BAZ2B: variants seen among roughly 807,000 people sequenced by gnomAD.
BAZ2B encodes bromodomain adjacent to zinc finger domain 2B.
In BAZ2B, 91 loss-of-function variants were observed where a neutral mutation model predicts 246.0. That is an observed-to-expected ratio of 0.37 (90% CI 0.31 to 0.44). The LOEUF (loss-of-function observed/expected upper bound fraction) is 0.44. Among genes scored for constraint, BAZ2B ranks in the 20% least tolerant of loss-of-function variants. BAZ2B has a pLI of 1.00. For missense variants in BAZ2B, 2,332 were observed against 2,533.7 expected (o/e 0.92, Z 1.71); for synonymous variants, 855 against 860.0 (o/e 0.99, Z 0.10).
chr2:159,599,187 G>A (rs916237757), intron 1 of BAZ2B, among the ~76,000 whole-genome samples: 6 of 152,184 alleles, frequency 3.9e-5, no homozygotes, highest in African/African-American at 1.4e-4. Context: ...TACTTAAACA[G>A]GTACAAGTTA....
At chr2:159,666,410 C>T in the BAZ2B span, among the ~76,000 whole-genome samples, 2 of 152,096 alleles carry the variant, frequency 1.3e-5, no homozygotes, top group African/African-American at 2.4e-5. Flanking sequence ...CAGGCGCACA[C>T]CACCATGCCT....
chr2:159,333,331 A>G (rs1227118957), intron 33 of BAZ2B, among the ~76,000 whole-genome samples: 1 of 152,198 alleles, frequency 6.6e-6, no homozygotes, highest in African/African-American at 2.4e-5. Context: ...GATACAATAC[A>G]TGTAAGAAGT....
chr2:159,524,927 G>A (rs942892332), intron 2 of BAZ2B, among the ~76,000 whole-genome samples: 5 of 151,856 alleles, frequency 3.3e-5, no homozygotes, highest in Non-Finnish European at 7.4e-5. Flanking sequence ...ATAAATACAT[G>A]GTAGTCCCAG....
intron 1 of BAZ2B, among the ~76,000 whole-genome samples, chr2:159,599,733 G>T (rs965322141): frequency 6.6e-6 from 1 of 151,908 alleles, no homozygotes; most frequent in Non-Finnish European, 1.5e-5. Context: ...TTAGGAGATC[G>T]AGGCCATCCT....
At position 159,592,144 on chromosome 2, in the gene BAZ2B, G is replaced by GA. The variant is rs531815661; in HGVS notation, c.-46+24097dup. On this transcript the variant is annotated intron_variant, in intron 1 of 36. Transcript: ENST00000392783. ...AAACAAACAAAAAAACAAAGAAAAAGAAAAAAAAAAGAAATAAACCCATCT... is the reference window on the plus strand; with the variant it reads ...AAACAAACAAAAAAACAAAGAAAAAGAAAAAAAAAAAGAAATAAACCCATCT... 2.7e-4 allele frequency among the ~76,000 whole-genome samples: 39 copies of GA among 144,348 alleles called. No individual in the cohort carries two copies. The South Asian group carries it at 5.3e-3, about 19-fold the overall frequency. The allele number at this position is 144,348 out of a possible 152,430, so 94.7% of individuals were successfully genotyped here.
chr2:159,537,984 T>C (rs896729647), intron 2 of BAZ2B, among the ~76,000 whole-genome samples: 2 of 152,126 alleles, frequency 1.3e-5, no homozygotes, highest in African/African-American at 4.8e-5. Context: ...AAATACTATG[T>C]GCAATTAACT....
At chr2:159,541,329 A>G (rs1054756539) in intron 2 of BAZ2B, among the ~76,000 whole-genome samples, 6 of 151,664 alleles carry the variant, frequency 4.0e-5, no homozygotes, top group African/African-American at 1.5e-4. Flanking sequence ...CCCAGGCTGG[A>G]GTGTAGTGGC....
chr2:159,422,960 T>A (rs1383178538), intron 13 of BAZ2B, among the ~76,000 whole-genome samples: 4 of 152,088 alleles, frequency 2.6e-5, no homozygotes, highest in Non-Finnish European at 4.4e-5. Flanking sequence ...ACACCCTTAA[T>A]CATTAAAGAA....
chr2:159,389,093 ACAAC>A (rs113993624), intron 21 of BAZ2B, among the ~76,000 whole-genome samples: 7,352 of 148,958 alleles, frequency 0.049, 496 homozygotes, highest in African/African-American at 0.15. Context: ...CTGTCTGAAA[ACAAC>A]CAACCAACCA....
At chr2:159,560,021 CTATGAG>C (rs1303111862) in intron 1 of BAZ2B, among the ~76,000 whole-genome samples, 2 of 152,152 alleles carry the variant, frequency 1.3e-5, no homozygotes, top group African/African-American at 4.8e-5. Context: ...ATATGCAATC[CTATGAG>C]TATTTTTTCA....
rs754078669 is a variant in BAZ2B, at chr2:159,433,113, A to G, written c.1544T>C (p.Met515Thr). Residue 515 changes from methionine (M) to threonine (T), a missense_variant, in exon 9 of 37, where the codon ATG becomes ACG. Coordinates refer to ENST00000392783, the MANE Select transcript of BAZ2B (RefSeq NM_013450.4). ...APLALTTKTKMQSKINENIAA... is the reference protein window; with the variant it reads ...APLALTTKTKTQSKINENIAA... ...AATGTTTTCATTAATCTTGCTCTGCATTTTAGTTTTGGTAGTAAGTGCTAG... is the reference window on the plus strand; with the variant it reads ...AATGTTTTCATTAATCTTGCTCTGCGTTTTAGTTTTGGTAGTAAGTGCTAG... 1.2e-6 allele frequency: 2 copies of G among 1,614,214 alleles called. No homozygotes were observed. Among genetic ancestry groups the G allele is most frequent in the Admixed American group, 3.3e-5 (2 of 60,030 alleles).
chr2:159,619,166 G>A (rs1397053642), upstream of BAZ2B, among the ~76,000 whole-genome samples: 1 of 151,936 alleles, frequency 6.6e-6, no homozygotes, highest in Admixed American at 6.6e-5. Flanking sequence ...ATTCCCCTGA[G>A]TAATTTTAGA....
chr2:159,354,606 C>T (rs776583042), intron 27 of BAZ2B, among the ~76,000 whole-genome samples: 4 of 152,184 alleles, frequency 2.6e-5, no homozygotes, highest in Non-Finnish European at 5.9e-5. Context: ...ATGCCTCAGC[C>T]TCCCAAAGTG....
At chr2:159,711,729 T>A in the BAZ2B span, among the ~76,000 whole-genome samples, 1 of 152,244 alleles carries the variant, frequency 6.6e-6, no homozygotes, top group African/African-American at 2.4e-5. Flanking sequence ...AGTACTCATT[T>A]ACATCTTAGT....
chr2:159,399,667 A>C (rs1344228855), intron 17 of BAZ2B, among the ~76,000 whole-genome samples: 1 of 152,186 alleles, frequency 6.6e-6, no homozygotes, highest in Admixed American at 6.5e-5. Flanking sequence ...TTTAAAATTA[A>C]TTTGAAATGG....
the BAZ2B span, among the ~76,000 whole-genome samples, chr2:159,669,436 A>T: frequency 6.6e-6 from 1 of 152,186 alleles, no homozygotes; most frequent in Non-Finnish European, 1.5e-5. Flanking sequence ...AGTATTCCAA[A>T]TGTATCCATT....
chr2:159,512,228 C>T (rs1186753475), intron 2 of BAZ2B, among the ~76,000 whole-genome samples: 1 of 152,180 alleles, frequency 6.6e-6, no homozygotes, highest in Non-Finnish European at 1.5e-5. Context: ...GTCTGAATGA[C>T]TTGCTCTTAA....
At chr2:159,479,462 T>C (rs1453782602) in intron 2 of BAZ2B, among the ~76,000 whole-genome samples, 2 of 152,120 alleles carry the variant, frequency 1.3e-5, no homozygotes, top group Admixed American at 6.5e-5. Context: ...GATCCCACAA[T>C]CAAGCAAGAA....
At chr2:159,393,148 T>C (rs903810133) in intron 20 of BAZ2B, among the ~76,000 whole-genome samples, 1 of 151,952 alleles carries the variant, frequency 6.6e-6, no homozygotes, top group African/African-American at 2.4e-5. Flanking sequence ...AAGGGACAAA[T>C]TGTATGAAGT....
Sources: gnomAD v4.1 joint callset for allele counts (sites outside exome capture counted in the v4.1 genomes callset) on GRCh38, gnomAD v4.1.1 for gene constraint, MANE v1.5 for transcripts, NCBI Gene and HGNC (gene_info 2026-07-23, HGNC 2026-07-21) for gene names.